The following MYO18A variants were observed in gnomAD, a reference collection of about 807,000 sequenced individuals.
MYO18A encodes unconventional myosin-XVIIIa.
Under a neutral mutation model 235.8 loss-of-function variants are expected in MYO18A, and 78 were observed. The observed-to-expected ratio is 0.33, with a 90% confidence interval of 0.28 to 0.40. The LOEUF is 0.40. MYO18A is among the 10% of genes least tolerant of loss of function. The pLI, the probability that MYO18A is intolerant of heterozygous loss-of-function variation, is 1.00. For missense variants in MYO18A, 2,215 were observed against 2,699.3 expected, an observed-to-expected ratio of 0.82 and a Z score of 3.98; for synonymous variants, 977 against 1,077.8, an observed-to-expected ratio of 0.91 and a Z score of 1.83.
At chr17:29,145,073 G>T (rs1011569219) in intron 2 of MYO18A, among the ~76,000 whole-genome samples, 2 of 152,182 alleles carry the variant, frequency 1.3e-5, no homozygotes, top group African/African-American at 4.8e-5. Flanking sequence ...GAAGTTTACT[G>T]TCCACGTGCC....
chr17:29,072,956 T>A lies in MYO18A; in HGVS notation c.*1814A>T, dbSNP rs1304406516. ...GGCAGAGACAGCACTCCCAACCTAT[T>A]CACATTGCCCTGTGGGCCCGAGCTA... On this transcript the variant is annotated 3_prime_UTR_variant, in exon 42 of 42. Coordinates refer to ENST00000527372, the MANE Select transcript of MYO18A (RefSeq NM_078471.4). 6.6e-6 allele frequency: 1 copy of A among 152,136 alleles called. No individual in the cohort carries two copies. The highest frequency in any genetic ancestry group is 2.4e-5 in the African/African-American group (1 of 41,424). 9.4% of individuals were successfully genotyped at this position (152,136 alleles called of 1,614,324 possible).
At chr17:29,134,903 C>G (rs1013858735) in intron 2 of MYO18A, among the ~76,000 whole-genome samples, 2 of 152,062 alleles carry the variant, frequency 1.3e-5, no homozygotes, top group Non-Finnish European at 2.9e-5. Flanking sequence ...GCCTCAGGAC[C>G]CCAGCGACTT....
chr17:29,161,355 C>CA (rs1175565325), intron 2 of MYO18A, among the ~76,000 whole-genome samples: 644 of 49,874 alleles, frequency 0.013, 6 homozygotes, highest in East Asian at 0.034. Flanking sequence ...AACTCCATGT[C>CA]AAAAAAAAAA....
At chr17:29,103,467 TG>T in intron 21 of MYO18A, 131 bp downstream of exon 21, 2 of 881,138 alleles carry the variant, frequency 2.3e-6, no homozygotes, top group Non-Finnish European at 1.8e-6. Context: ...GGGGTGGAGC[TG>T]GGGGCAAGAC....
In MYO18A at chr17:29,096,865, C is replaced by T. The variant is rs1277382139; in HGVS notation, c.4281G>A (p.Gln1427=). Residue 1427 remains glutamine, a synonymous_variant, in exon 28 of 42, where the codon CAG becomes CAA. Transcript: ENST00000527372. ...DSEESQRALQ[Q]LKKKCQRLTA... Reference sequence around the variant, plus strand: ...TCAGTCGCTGGCACTTCTTCTTGAGCTGCTGCAGAGCCCGCTGACTCTCCT... The same window carrying T: ...TCAGTCGCTGGCACTTCTTCTTGAGTTGCTGCAGAGCCCGCTGACTCTCCT... 6 of 1,584,548 alleles carry T rather than the reference C, an allele frequency of 3.8e-6. No individual in the cohort carries two copies. The highest frequency in any genetic ancestry group is 4.3e-6 in the Non-Finnish European group (5 of 1,165,946).
Position 29,166,239 on chromosome 17 carries a change from G to T in MYO18A, c.702C>A (p.Ser234=). Residue 234 remains serine, a synonymous_variant, in exon 2 of 42, where the codon TCC becomes TCA. Coordinates refer to ENST00000527372, the MANE Select transcript of MYO18A (RefSeq NM_078471.4). ...QRRPTGDFGF[S]LRRTTMLDRG... is the part of the protein sequence containing the mutation. The stretch of plus-strand genomic sequence containing the variant: ...GATCCAGCATGGTTGTGCGCCGCAG[G>T]GAGAAGCCAAAGTCTCCAGTGGGCC... 6.2e-7 allele frequency: 1 copy of T among 1,612,980 alleles called. No homozygotes were observed. The highest frequency in any genetic ancestry group is 8.5e-7 in the Non-Finnish European group (1 of 1,179,882).
At chr17:29,144,058 T>G (rs115701190) in intron 2 of MYO18A, among the ~76,000 whole-genome samples, 3,155 of 152,334 alleles carry the variant, frequency 0.021, 104 homozygotes, top group African/African-American at 0.071. Flanking sequence ...CGTCTGTCAG[T>G]GTGCCTGTCT....
chr17:29,139,523 C>T (rs1026445041), intron 2 of MYO18A, among the ~76,000 whole-genome samples: 1 of 152,064 alleles, frequency 6.6e-6, no homozygotes, highest in African/African-American at 2.4e-5. Context: ...CAAGTACTCA[C>T]GGGTACATCT....
chr17:29,085,663 A>C lies in MYO18A; in HGVS notation c.5853-15T>G. 6.2e-7 allele frequency: 1 copy of C among 1,613,768 alleles called. No individual in the cohort carries two copies. Among genetic ancestry groups the C allele is most frequent in the Non-Finnish European group, 8.5e-7 (1 of 1,179,632 alleles). ...TGTCCTGCAAACTGGAAATAGAAGG[A>C]AAATGGTGGGCAAGGGGTCCAGAGG... On this transcript the variant is annotated splice_polypyrimidine_tract_variant and intron_variant, in intron 39 of 41. Coordinates refer to ENST00000527372, the MANE Select transcript of MYO18A (RefSeq NM_078471.4).
Position 29,121,562 on chromosome 17 carries a change from A to G in MYO18A, c.1356T>C (p.Ala452=). ...GGTGCTGCACCTTCTCAGAGTACACAGCAGGGGCCCCACGGGGGCCAAGAA... is the reference window on the plus strand; with the variant it reads ...GGTGCTGCACCTTCTCAGAGTACACGGCAGGGGCCCCACGGGGGCCAAGAA... ...LLVLGPRGAP[A]VYSEKVMHMF... The change falls in exon 5 of 42, where the codon GCT becomes GCC. Residue 452 remains alanine (A), a synonymous_variant. Coordinates refer to ENST00000527372, the MANE Select transcript of MYO18A (RefSeq NM_078471.4). The surrounding 1 kb of genome is among the most constrained non-coding windows in gnomAD (Gnocchi z 4.2). 2 of 1,604,430 alleles carry G rather than the reference A, an allele frequency of 1.2e-6. No individual in the cohort carries two copies. The highest frequency in any genetic ancestry group is 1.1e-5 in the South Asian group (1 of 89,592).
At chr17:29,113,884 C>A (rs1449739911) in intron 15 of MYO18A, 127 bp downstream of exon 15, 2 of 718,702 alleles carry the variant, frequency 2.8e-6, no homozygotes, top group Admixed American at 2.2e-5. Context: ...CTGGGCATAG[C>A]TGCTGGACCC....
chr17:29,096,943 A>G, intron 27 of MYO18A, 28 bp from the exon 28 acceptor site: 1 of 1,519,166 alleles, frequency 6.6e-7, no homozygotes, highest in African/African-American at 1.4e-5. Context: ...GTGCATATAC[A>G]GAGAGACCCA....
chr17:29,132,705 C>T (rs2067500486), intron 2 of MYO18A, among the ~76,000 whole-genome samples: 1 of 152,218 alleles, frequency 6.6e-6, no homozygotes, highest in African/African-American at 2.4e-5. Context: ...GCATCTTGTC[C>T]ACAGAGCTAT....
At position 29,111,384 on chromosome 17, in the gene MYO18A, C is replaced by T; in HGVS notation, c.2900+40G>A. On this transcript the variant is annotated intron_variant, in intron 17 of 41. Transcript: ENST00000527372. The surrounding 1 kb of genome is among the most constrained non-coding windows in gnomAD (Gnocchi z 5.1). ...GAGGGAGCCCCAAAATCAAAACAGT[C>T]CTGGGTACAGAACAGGGGCGGAGGG... The T allele has an allele frequency of 6.2e-7, 1 of 1,600,822 alleles. No homozygotes were observed. Among genetic ancestry groups the T allele is most frequent in the Non-Finnish European group, 8.5e-7 (1 of 1,173,846 alleles).
intron 37 of MYO18A, among the ~76,000 whole-genome samples, chr17:29,087,651 G>A (rs777681500): frequency 6.6e-6 from 1 of 152,142 alleles, no homozygotes; most frequent in African/African-American, 2.4e-5. Context: ...GGGATGCTGA[G>A]CAAAAAATGA....
intron 2 of MYO18A, among the ~76,000 whole-genome samples, chr17:29,144,736 C>T (rs751679153): frequency 1.3e-5 from 2 of 152,212 alleles, no homozygotes; most frequent in African/African-American, 2.4e-5. Flanking sequence ...TCACTGTCCA[C>T]ACCTGAACAC....
chr17:29,144,455 C>T (rs990220252), intron 2 of MYO18A, among the ~76,000 whole-genome samples: 2 of 152,196 alleles, frequency 1.3e-5, no homozygotes, highest in African/African-American at 4.8e-5. Flanking sequence ...TTCCCTGAAA[C>T]CCAAGACCCA....
chr17:29,170,323 C>A (rs188463986), intron 1 of MYO18A, among the ~76,000 whole-genome samples: 1 of 152,194 alleles, frequency 6.6e-6, no homozygotes, highest in African/African-American at 2.4e-5. Context: ...TCCCCATAAT[C>A]GCCAGGCCTG....
chr17:29,121,425 C>T lies in MYO18A; in HGVS notation c.1371+122G>A. 1 of 1,205,258 alleles carries T rather than the reference C, an allele frequency of 8.3e-7. No individual in the cohort carries two copies. The highest frequency in any genetic ancestry group is 1.1e-6 in the Non-Finnish European group (1 of 871,928). 74.7% of individuals were successfully genotyped at this position (1,205,258 alleles called of 1,614,324 possible). A position where few individuals can be genotyped will look rare whatever the true frequency, so the allele number is the denominator to read the frequency against. On this transcript the variant is annotated intron_variant, in intron 5 of 41. Transcript: ENST00000527372. The surrounding 1 kb of genome is among the most constrained non-coding windows in gnomAD (Gnocchi z 4.2). ...TGTCCCCCATCTCTTGAAATGACTC[C>T]TCTTCCCAAGGTCAACTGTGAGAGT...
Sources: allele counts gnomAD v4.1 joint callset (sites outside exome capture counted in the v4.1 genomes callset), GRCh38; gene constraint gnomAD v4.1.1; non-coding constraint Gnocchi (gnomAD v3.1); transcripts MANE v1.5; gene names NCBI Gene and HGNC (gene_info 2026-07-23, HGNC 2026-07-21).